The following CCDC88C variants were observed in gnomAD, a reference collection of about 807,000 sequenced individuals.
CCDC88C encodes the protein protein Daple.
A neutral mutation model predicts 198.8 loss-of-function variants in CCDC88C; 131 were observed. That is an observed-to-expected ratio of 0.66 (90% confidence interval 0.57 to 0.76). CCDC88C has a LOEUF of 0.76. CCDC88C is among the 30% of genes least tolerant of loss of function. CCDC88C has a pLI of 0.00. For missense variants in CCDC88C, 2,553 were observed against 2,631.6 expected (o/e 0.97, Z 0.65); for synonymous variants, 1,166 against 1,114.7 (o/e 1.05, Z -0.92).
intron 6 of CCDC88C, among the ~76,000 whole-genome samples, chr14:91,340,692 T>G (rs1340152962): frequency 6.6e-6 from 1 of 152,102 alleles, no homozygotes; most frequent in East Asian, 1.9e-4. Flanking sequence ...GATACCATAG[T>G]GCTCAGGCCT....
At chr14:91,329,360 G>A (rs1567079749) in intron 10 of CCDC88C, among the ~76,000 whole-genome samples, 1 of 152,206 alleles carries the variant, frequency 6.6e-6, no homozygotes, top group Non-Finnish European at 1.5e-5. Context: ...TCCTTAGTAA[G>A]TGCCCTGAAT....
At chr14:91,298,903 A>G (rs1265012994) in intron 21 of CCDC88C, among the ~76,000 whole-genome samples, 1 of 152,210 alleles carries the variant, frequency 6.6e-6, no homozygotes, top group Non-Finnish European at 1.5e-5. Flanking sequence ...TCTGCTATTC[A>G]CTAGAAACAC....
At position 91,303,651 on chromosome 14, in the gene CCDC88C, T is replaced by C. The variant is rs753892503; in HGVS notation, c.3635+50A>G. On this transcript the variant is annotated intron_variant, in intron 20 of 29. Coordinates refer to ENST00000389857, the MANE Select transcript of CCDC88C (RefSeq NM_001080414.4). ...CACCTTTCCCCCTGGGCCCAGCCTC[T>C]CCTCTGGACTCTACCCCTCCCCAGA... 6 of 1,449,620 alleles carry C rather than the reference T, an allele frequency of 4.1e-6. No individual in the cohort carries two copies. The South Asian group carries it at 5.5e-5, about 13-fold the overall frequency. The allele number at this position is 1,449,620 out of a possible 1,614,324, so 89.8% of individuals were successfully genotyped here.
chr14:91,320,802 G>A (rs1892323476), intron 13 of CCDC88C, among the ~76,000 whole-genome samples: 1 of 152,198 alleles, frequency 6.6e-6, no homozygotes, highest in Non-Finnish European at 1.5e-5. Flanking sequence ...GAACGAGGGA[G>A]TTTTCTTTTT....
chr14:91,381,216 G>C lies in CCDC88C; in HGVS notation c.271-21505C>G, dbSNP rs1322939816. On this transcript the variant is annotated intron_variant, in intron 3 of 29. Coordinates refer to ENST00000389857, the MANE Select transcript of CCDC88C (RefSeq NM_001080414.4). This position sits in a 1 kb window ranked among gnomAD's most constrained non-coding sequence, Gnocchi z 4.2. Reference sequence around the variant, plus strand: ...TTTCCCGGTACGGTCTGAGTCTCCTGTCCCCCAGCTTGTCCTCTGAAGGAG... The same window carrying C: ...TTTCCCGGTACGGTCTGAGTCTCCTCTCCCCCAGCTTGTCCTCTGAAGGAG... 2.0e-5 allele frequency among the ~76,000 whole-genome samples: 3 copies of C among 152,138 alleles called. No homozygotes were observed. The highest frequency in any genetic ancestry group is 4.4e-5 in the Non-Finnish European group (3 of 68,026).
In CCDC88C at chr14:91,324,694, G is replaced by A. The variant is rs371067157; in HGVS notation, c.1342+85C>T. The A allele has an allele frequency of 1.9e-5, 28 of 1,492,586 alleles. No homozygotes were observed. In the Admixed American group the frequency reaches 2.7e-4, roughly 14 times the overall value. 92.5% of individuals were successfully genotyped at this position (1,492,586 alleles called of 1,614,324 possible). A position where few individuals can be genotyped will look rare whatever the true frequency, so the allele number is the denominator to read the frequency against. ...CTGGGATGAATGGATGGGCTAACAT[G>A]GCAGATTCAGAGCCCAGGACTCAGC... On this transcript the variant is annotated intron_variant, in intron 12 of 29. Coordinates refer to ENST00000389857, the MANE Select transcript of CCDC88C (RefSeq NM_001080414.4).
intron 4 of CCDC88C, among the ~76,000 whole-genome samples, chr14:91,348,525 C>T (rs1295173585): frequency 4.6e-5 from 7 of 151,898 alleles, no homozygotes; most frequent in Admixed American, 3.9e-4. Context: ...AACAACACTC[C>T]GAGGCTGTTT....
chr14:91,355,050 G>C (rs530427394), intron 4 of CCDC88C, among the ~76,000 whole-genome samples: 1 of 152,274 alleles, frequency 6.6e-6, no homozygotes, highest in South Asian at 2.1e-4. Context: ...CTAGTGCCCG[G>C]AGCGGGCTGC....
intron 15 of CCDC88C, among the ~76,000 whole-genome samples, chr14:91,310,426 T>C (rs879916703): frequency 1.3e-5 from 2 of 152,172 alleles, no homozygotes; most frequent in Admixed American, 1.3e-4. Flanking sequence ...ACTTTTCATT[T>C]TTTAGAGACA....
chr14:91,372,296 A>G (rs1353571934), intron 3 of CCDC88C, among the ~76,000 whole-genome samples: 1 of 151,926 alleles, frequency 6.6e-6, no homozygotes, highest in Non-Finnish European at 1.5e-5. Flanking sequence ...TGAGGGGCCC[A>G]GGGTGTTTGC....
Position 91,309,956 on chromosome 14 carries a change from G to A in CCDC88C, c.2767C>T (p.Gln923Ter), listed in dbSNP as rs1474044604. 1.2e-6 allele frequency: 2 copies of A among 1,602,322 alleles called. No individual in the cohort carries two copies. The highest frequency in any genetic ancestry group is 1.7e-6 in the Non-Finnish European group (2 of 1,174,588). The part of the protein sequence containing the change: ...DLVLEKLKSQ[Q>*]LSSELDKLSQ... ...AGCTTGTCCAGCTCACTGCTGAGCT[G>A]CTGGCTCTTCAGCTTCTCGAGCACC... Residue 923 changes from glutamine to a stop codon, truncating the protein, a stop_gained, in exon 16 of 30, where the codon CAG becomes TAG. Coordinates refer to ENST00000389857, the MANE Select transcript of CCDC88C (RefSeq NM_001080414.4). LOFTEE classifies it high-confidence loss of function.
intron 10 of CCDC88C, among the ~76,000 whole-genome samples, chr14:91,334,275 T>G (rs1892955756): frequency 6.6e-6 from 1 of 152,240 alleles, no homozygotes; most frequent in African/African-American, 2.4e-5. Flanking sequence ...AGGGTCTCAC[T>G]CTGTCGCCCA....
chr14:91,416,480 T>C (rs181212974), intron 2 of CCDC88C, among the ~76,000 whole-genome samples: 518 of 151,676 alleles, frequency 3.4e-3, no homozygotes, highest in Non-Finnish European at 5.9e-3. Flanking sequence ...TCAATTGCAC[T>C]ATCTACACCA....
intron 10 of CCDC88C, among the ~76,000 whole-genome samples, chr14:91,331,430 A>G (rs1892821259): frequency 6.6e-6 from 1 of 152,202 alleles, no homozygotes; most frequent in Admixed American, 6.5e-5. Context: ...CCCTGTCTCC[A>G]GGCCCCATGG....
chr14:91,289,814 C>T (rs1400413498), intron 24 of CCDC88C, among the ~76,000 whole-genome samples: 2 of 152,126 alleles, frequency 1.3e-5, no homozygotes, highest in Admixed American at 1.3e-4. Context: ...AAAGAGTAAG[C>T]AATAACATCA....
At chr14:91,365,366 C>A (rs1477928215) in intron 3 of CCDC88C, among the ~76,000 whole-genome samples, 2 of 152,204 alleles carry the variant, frequency 1.3e-5, no homozygotes, top group African/African-American at 4.8e-5. Context: ...TGAGCGCCTC[C>A]CTTCTCCACC....
intron 4 of CCDC88C, among the ~76,000 whole-genome samples, chr14:91,359,416 C>T (rs907133452): frequency 9.9e-5 from 15 of 152,010 alleles, no homozygotes; most frequent in South Asian, 6.2e-4. Flanking sequence ...GGATTACAGG[C>T]GTGAGCCACC....
rs748696939 is a variant in CCDC88C, at chr14:91,272,667, G to A, written c.6045C>T (p.Gly2015=). The change falls in exon 30 of 30, where the codon GGC becomes GGT. Residue 2015 remains glycine, a synonymous_variant. Transcript: ENST00000389857. ...CATACCACACGGTCTGCGGATCCCC[G>A]CCGGGCTCCGGGGAGGCCGGACTGC... ...SKSSPASPEP[G]GDPQTVWYEY... 4.3e-6 allele frequency: 7 copies of A among 1,611,424 alleles called. No homozygotes were observed. The highest frequency in any genetic ancestry group is 1.7e-5 in the Admixed American group (1 of 59,994).
intron 3 of CCDC88C, among the ~76,000 whole-genome samples, chr14:91,367,015 T>G (rs939485893): frequency 2.0e-5 from 3 of 152,226 alleles, no homozygotes; most frequent in African/African-American, 7.2e-5. Flanking sequence ...GAGGTTAGCT[T>G]CAGTATCCAC....
Sources: gnomAD v4.1 joint callset for allele counts (sites outside exome capture counted in the v4.1 genomes callset) on GRCh38, gnomAD v4.1.1 for gene constraint, Gnocchi (gnomAD v3.1) non-coding constraint, MANE v1.5 for transcripts, NCBI Gene and HGNC (gene_info 2026-07-23, HGNC 2026-07-21) for gene names.